The following DNM1L variants were observed in gnomAD, a reference collection of about 807,000 sequenced individuals.
DNM1L encodes the protein dynamin 1L, also known as dynamin-1-like protein.
A neutral mutation model predicts 92.8 loss-of-function variants in DNM1L; 33 were observed. The ratio of observed to expected loss-of-function variants is 0.36; its 90% CI spans 0.27 to 0.48. DNM1L has a LOEUF of 0.48. Among genes scored for constraint, DNM1L ranks in the 20% least tolerant of loss-of-function variants. The probability of loss-of-function intolerance (pLI) is 0.99; values close to 1 mark genes in which losing one functional copy is unlikely to be tolerated. For synonymous variants in DNM1L, 284 were observed against 305.0 expected, an observed-to-expected ratio of 0.93 and a Z score of 0.72; for missense variants, 485 against 888.8, an observed-to-expected ratio of 0.55 and a Z score of 5.78.
rs182737423 is a variant in DNM1L at position 32,705,901 on chromosome 12, C to T, written c.251-1466C>T. 46 of 1,577,296 alleles carry T rather than the reference C, an allele frequency of 2.9e-5. No individual in the cohort carries two copies. In the Admixed American group the frequency reaches 5.5e-4, roughly 19 times the overall value. ...CATTTGCTTTTGACCCTTTTTTTCT[C>T]TTATGCCTGCATGTGTGCTTATGTA... On this transcript the variant is annotated intron_variant, in intron 2 of 19. Coordinates refer to ENST00000549701, the MANE Select transcript of DNM1L (RefSeq NM_012062.5).
chr12:32,722,836 C>A, intron 9 of DNM1L: 1 of 279,344 alleles, frequency 3.6e-6, no homozygotes, highest in Non-Finnish European at 6.5e-6. Context: ...AAAATTGTCA[C>A]ATATTTTTAA....
chr12:32,712,537 C>T (rs115896610), intron 5 of DNM1L, among the ~76,000 whole-genome samples: 2,080 of 149,920 alleles, frequency 0.014, 56 homozygotes, highest in African/African-American at 0.049. Context: ...GTAGTTCTAG[C>T]ACTTTGGGAG....
At chr12:32,737,219 G>A (rs540422849) in intron 14 of DNM1L, 58 bp downstream of exon 14, 2 of 1,570,480 alleles carry the variant, frequency 1.3e-6, no homozygotes, top group East Asian at 2.3e-5. Flanking sequence ...GATGAGCTCA[G>A]AATATTACTC....
chr12:32,733,161 A>G (rs1359349476), intron 12 of DNM1L, among the ~76,000 whole-genome samples: 1 of 152,222 alleles, frequency 6.6e-6, no homozygotes, highest in Non-Finnish European at 1.5e-5. Flanking sequence ...AATTAATTTT[A>G]ACTTTTCTTT....
chr12:32,733,681 T>C (rs2137538834), intron 12 of DNM1L, 34 bp from the exon 13 acceptor site: 2 of 1,560,146 alleles, frequency 1.3e-6, no homozygotes, highest in African/African-American at 1.4e-5. Context: ...GGTTGATGTA[T>C]TTTTGTATAT....
Position 32,713,199 on chromosome 12 carries a change from T to C in DNM1L, c.457-10T>C. 1 of 1,613,700 alleles carries C rather than the reference T, an allele frequency of 6.2e-7. No homozygotes were observed. Among genetic ancestry groups the C allele is most frequent in the South Asian group, 1.1e-5 (1 of 91,030 alleles). ...ATTATTAGTTCCTTGCTCATCTCTG[T>C]TTGGTTTAGGTGCCTGTAGGTGATC... On this transcript the variant is annotated splice_polypyrimidine_tract_variant and intron_variant, in intron 5 of 19. Transcript: ENST00000549701.
intron 1 of DNM1L, among the ~76,000 whole-genome samples, chr12:32,690,625 A>G (rs894131055): frequency 1.3e-5 from 2 of 152,234 alleles, no homozygotes; most frequent in Non-Finnish European, 2.9e-5. Flanking sequence ...TATCTGGGCA[A>G]GTTACATAAT....
At chr12:32,699,343 A>G (rs1373023397) in intron 1 of DNM1L, among the ~76,000 whole-genome samples, 1 of 152,196 alleles carries the variant, frequency 6.6e-6, no homozygotes, top group Non-Finnish European at 1.5e-5. Context: ...AACAACAAAA[A>G]TTGAAATACT....
intron 1 of DNM1L, among the ~76,000 whole-genome samples, chr12:32,691,273 T>C (rs1311639263): frequency 1.3e-5 from 2 of 152,154 alleles, no homozygotes; most frequent in African/African-American, 2.4e-5. Context: ...GGAGTCTCGC[T>C]CTGTCGCCAG....
intron 9 of DNM1L, among the ~76,000 whole-genome samples, chr12:32,730,222 G>C (rs1954458556): frequency 6.6e-6 from 1 of 152,066 alleles, no homozygotes; most frequent in Non-Finnish European, 1.5e-5. Flanking sequence ...AAATTAGGTG[G>C]GCATGGTGGC....
Position 32,737,830 on chromosome 12 carries a change from TGATTTTTTTTCCCCCCTG to T in DNM1L, c.1597-26_1597-9del, listed in dbSNP as rs748284946. On this transcript the variant is annotated splice_polypyrimidine_tract_variant and intron_variant, in intron 14 of 19. Transcript: ENST00000549701. ...GTTCCTGAATGCATTTTTGCATCCTTGATTTTTTTTCCCCCCTGGATTTTTTGCCTTTAGTCTTCTAAA... is the reference window on the plus strand; with the variant it reads ...GTTCCTGAATGCATTTTTGCATCCTTGATTTTTTGCCTTTAGTCTTCTAAA... The T allele has an allele frequency of 6.3e-6, 10 of 1,575,802 alleles. No individual in the cohort carries two copies. The highest frequency in any genetic ancestry group is 7.0e-6 in the Non-Finnish European group (8 of 1,145,304).
At chr12:32,706,048 T>C in intron 2 of DNM1L, 1 of 488,244 alleles carries the variant, frequency 2.0e-6, no homozygotes, top group Non-Finnish European at 3.6e-6. Flanking sequence ...GCTTTTTTGG[T>C]GGTGAATGTA....
intron 7 of DNM1L, 60 bp from the exon 8 acceptor site, chr12:32,720,604 T>G (rs1028619005): frequency 6.2e-7 from 1 of 1,611,154 alleles, no homozygotes; most frequent in East Asian, 2.2e-5. Flanking sequence ...GCTGTCATCA[T>G]CTAAGGTAGG....
At chr12:32,694,515 T>C (rs1952358949) in intron 1 of DNM1L, among the ~76,000 whole-genome samples, 1 of 152,260 alleles carries the variant, frequency 6.6e-6, no homozygotes, top group South Asian at 2.1e-4. Context: ...TATTCCTTTT[T>C]ATGACTGAAG....
chr12:32,729,571 T>A (rs187396145), intron 9 of DNM1L, among the ~76,000 whole-genome samples: 146 of 152,258 alleles, frequency 9.6e-4, no homozygotes, highest in African/African-American at 3.4e-3. Flanking sequence ...TGCCTCAGCC[T>A]CCTGAGTAGC....
At chr12:32,741,080 C>T (rs903457663) in intron 18 of DNM1L, among the ~76,000 whole-genome samples, 3 of 152,164 alleles carry the variant, frequency 2.0e-5, no homozygotes, top group African/African-American at 7.2e-5. Flanking sequence ...AATCTGTCAG[C>T]AGCTAAGATG....
intron 13 of DNM1L, 25 bp from the exon 14 acceptor site, chr12:32,737,080 C>T (rs1565540412): frequency 1.2e-6 from 2 of 1,613,166 alleles, no homozygotes; most frequent in East Asian, 2.2e-5. Flanking sequence ...TGGATAATCA[C>T]TTTTGTTTTG....
intron 1 of DNM1L, among the ~76,000 whole-genome samples, chr12:32,693,300 T>A (rs1238613545): frequency 6.6e-6 from 1 of 152,262 alleles, no homozygotes; most frequent in African/African-American, 2.4e-5. Context: ...TGAGTTTTTG[T>A]TGATATCTCT....
chr12:32,680,010 C>G (rs1409240195), intron 1 of DNM1L: 1 of 985,236 alleles, frequency 1.0e-6, no homozygotes, highest in Admixed American at 6.1e-5. Context: ...CAGTGTTTTC[C>G]TGCAGTATAA....
Sources: gnomAD v4.1 joint callset for allele counts (sites outside exome capture counted in the v4.1 genomes callset) on GRCh38, gnomAD v4.1.1 for gene constraint, MANE v1.5 for transcripts, NCBI Gene and HGNC (gene_info 2026-07-23, HGNC 2026-07-21) for gene names.